Variants in SNX29 observed in about 807,000 individuals in gnomAD.
SNX29 encodes sorting nexin-29.
SNX29 carries 78 observed loss-of-function variants against 102.1 expected under a neutral mutation model. The observed-to-expected ratio is 0.76, with a 90% CI of 0.64 to 0.92. SNX29 has a LOEUF of 0.92. Among genes scored for constraint, SNX29 ranks in the 40% least tolerant of loss-of-function variants. SNX29 has a pLI of 0.00. For synonymous variants in SNX29, 580 were observed against 414.5 expected, an observed-to-expected ratio of 1.40 and a Z score of -4.85; for missense variants, 1,280 against 1,061.7, an observed-to-expected ratio of 1.21 and a Z score of -2.86.
intron 15 of SNX29, among the ~76,000 whole-genome samples, chr16:12,343,299 A>C (rs1342145769): frequency 6.6e-6 from 1 of 152,228 alleles, no homozygotes; most frequent in Non-Finnish European, 1.5e-5. Context: ...TGTTTTCCAG[A>C]AAACTTCTGA....
chr16:12,553,032 G>A (rs78181107), intron 20 of SNX29, among the ~76,000 whole-genome samples: 4 of 152,354 alleles, frequency 2.6e-5, no homozygotes, highest in South Asian at 2.1e-4. Flanking sequence ...GCTTTAAGAG[G>A]CTGGGGACAC....
At chr16:12,379,800 T>C (rs1387436005) in intron 16 of SNX29, among the ~76,000 whole-genome samples, 1 of 152,254 alleles carries the variant, frequency 6.6e-6, no homozygotes, top group Non-Finnish European at 1.5e-5. Flanking sequence ...GTTTTGGTGA[T>C]TGGCTTCCTA....
intron 14 of SNX29, among the ~76,000 whole-genome samples, chr16:12,262,982 C>G (rs1267541050): frequency 6.6e-6 from 1 of 152,204 alleles, no homozygotes; most frequent in Non-Finnish European, 1.5e-5. Context: ...GTAGACTCAG[C>G]TCCTTCATGT....
At chr16:12,560,494 T>C (rs78459736) in intron 20 of SNX29, among the ~76,000 whole-genome samples, 1,884 of 152,284 alleles carry the variant, frequency 0.012, 35 homozygotes, top group African/African-American at 0.042. Context: ...CCTGCTTTTC[T>C]GGGCACGCCT....
intron 5 of SNX29, among the ~76,000 whole-genome samples, chr16:12,045,250 G>T (rs776216504): frequency 1.3e-5 from 2 of 152,170 alleles, no homozygotes; most frequent in Admixed American, 6.6e-5. Context: ...CACTTCAGTG[G>T]CTAATTTTTC....
intron 18 of SNX29, among the ~76,000 whole-genome samples, chr16:12,409,314 A>G (rs922937340): frequency 2.6e-5 from 4 of 152,042 alleles, no homozygotes; most frequent in Non-Finnish European, 4.4e-5. Flanking sequence ...GCACTTCCAT[A>G]TGACAGAGTT....
chr16:12,293,794 C>G (rs751430144), intron 15 of SNX29, among the ~76,000 whole-genome samples: 1 of 152,210 alleles, frequency 6.6e-6, no homozygotes, highest in East Asian at 1.9e-4. Flanking sequence ...TTTTGGAAAG[C>G]TGCAGATATC....
At chr16:12,379,005 T>A (rs2082979204) in intron 16 of SNX29, among the ~76,000 whole-genome samples, 1 of 152,126 alleles carries the variant, frequency 6.6e-6, no homozygotes, top group South Asian at 2.1e-4. Flanking sequence ...TTGACTGAAG[T>A]CAGTTAGTGC....
chr16:12,376,427 T>C (rs2082875962), intron 16 of SNX29, among the ~76,000 whole-genome samples: 1 of 152,074 alleles, frequency 6.6e-6, no homozygotes, highest in African/African-American at 2.4e-5. Flanking sequence ...GAATGATTGA[T>C]TGGTCGTATT....
intron 18 of SNX29, among the ~76,000 whole-genome samples, chr16:12,431,434 C>CTTTTTTTTTTTTTTT (rs200189537): frequency 7.3e-6 from 1 of 136,952 alleles, no homozygotes; most frequent in African/African-American, 2.7e-5. Flanking sequence ...TCTTCTTCTT[C>CTTTTTTTTTTTTTTT]TTTTTTTTTT....
At chr16:12,068,252 G>A (rs2051127341) in intron 9 of SNX29, among the ~76,000 whole-genome samples, 1 of 152,080 alleles carries the variant, frequency 6.6e-6, no homozygotes, top group Non-Finnish European at 1.5e-5. Context: ...CAGGGCGGAA[G>A]GATTGCTTGA....
intron 5 of SNX29, 124 bp downstream of exon 5, chr16:12,043,201 A>G: frequency 1.6e-6 from 2 of 1,247,578 alleles, no homozygotes. Flanking sequence ...CCTCCCTCTG[A>G]CAGCTCCGGA....
intron 15 of SNX29, among the ~76,000 whole-genome samples, chr16:12,350,530 C>T (rs566932513): frequency 2.6e-5 from 4 of 152,236 alleles, no homozygotes; most frequent in East Asian, 3.9e-4. Context: ...TACCGCCATC[C>T]GCTGTGGGCA....
At chr16:12,516,164 G>T (rs1256474102) in intron 19 of SNX29, among the ~76,000 whole-genome samples, 2 of 152,152 alleles carry the variant, frequency 1.3e-5, no homozygotes, top group Admixed American at 1.3e-4. Flanking sequence ...GAAGAAACGG[G>T]GTTGGTGAGC....
intron 15 of SNX29, among the ~76,000 whole-genome samples, chr16:12,296,808 C>G (rs537022999): frequency 2.0e-5 from 3 of 152,322 alleles, no homozygotes; most frequent in Admixed American, 2.0e-4. Flanking sequence ...ACGTGGTTAT[C>G]GCCACTTAAC....
intron 20 of SNX29, among the ~76,000 whole-genome samples, chr16:12,564,308 C>A (rs547113946): frequency 1.3e-5 from 2 of 152,212 alleles, no homozygotes; most frequent in African/African-American, 4.8e-5. Flanking sequence ...GCTGGCTAGA[C>A]TTCACTAGTG....
intron 18 of SNX29, among the ~76,000 whole-genome samples, chr16:12,404,340 G>C (rs564464639): frequency 8.5e-5 from 13 of 152,078 alleles, no homozygotes; most frequent in Admixed American, 5.9e-4. Flanking sequence ...CCAGTTCTCC[G>C]TCTCCTCTCT....
At chr16:12,412,777 A>G (rs74852245) in intron 18 of SNX29, among the ~76,000 whole-genome samples, 3,542 of 152,308 alleles carry the variant, frequency 0.023, 142 homozygotes, top group African/African-American at 0.08. Flanking sequence ...AGGTGGACAC[A>G]CCCTCTTGGC....
intron 15 of SNX29, among the ~76,000 whole-genome samples, chr16:12,279,009 T>C (rs1300331221): frequency 1.3e-5 from 2 of 152,332 alleles, no homozygotes; most frequent in Admixed American, 6.5e-5. Flanking sequence ...CAAAAACCAT[T>C]GATTTATTAC....
Sources: allele counts gnomAD v4.1 joint callset (sites outside exome capture counted in the v4.1 genomes callset), GRCh38; gene constraint gnomAD v4.1.1; transcripts MANE v1.5; gene names NCBI Gene and HGNC (gene_info 2026-07-23, HGNC 2026-07-21).